Variants in KIAA1328 observed in about 807,000 individuals in gnomAD.
The protein encoded by KIAA1328 is KIAA1328.
Under a neutral mutation model 68.1 loss-of-function variants are expected in KIAA1328, and 52 were observed. That is an observed-to-expected ratio of 0.76 (90% confidence interval 0.61 to 0.96). The LOEUF is 0.96. Ranked by LOEUF, KIAA1328 falls within the 40% of genes least tolerant of loss-of-function variation. KIAA1328 has a pLI of 0.00. For synonymous variants in KIAA1328, 232 were observed against 239.4 expected (o/e 0.97, Z 0.28); for missense variants, 641 against 677.6 (o/e 0.95, Z 0.60).
intron 4 of KIAA1328, among the ~76,000 whole-genome samples, chr18:36,844,576 GT>G: frequency 6.6e-6 from 1 of 152,106 alleles, no homozygotes; most frequent in South Asian, 2.1e-4. Flanking sequence ...ATTGAGGGAA[GT>G]TTTAGAAACT....
intron 7 of KIAA1328, among the ~76,000 whole-genome samples, chr18:37,150,870 T>C (rs1367660954): frequency 6.6e-6 from 1 of 152,162 alleles, no homozygotes; most frequent in African/African-American, 2.4e-5. Flanking sequence ...TCAACAGAGA[T>C]ACATCTCTTT....
chr18:36,875,004 G>T (rs528612714), intron 4 of KIAA1328, among the ~76,000 whole-genome samples: 1 of 152,072 alleles, frequency 6.6e-6, no homozygotes, highest in African/African-American at 2.4e-5. Flanking sequence ...TATTTCTGAG[G>T]CCTGTGTTCT....
At chr18:37,027,878 T>C (rs1010627961) in intron 6 of KIAA1328, among the ~76,000 whole-genome samples, 2 of 152,060 alleles carry the variant, frequency 1.3e-5, no homozygotes, top group African/African-American at 2.4e-5. Flanking sequence ...GGGATCTAAT[T>C]AAACTAAAGA....
In KIAA1328 at chr18:37,223,418, G is replaced by A. The variant is rs1396176378; in HGVS notation, c.*1191G>A. 1 of 985,422 alleles carries A rather than the reference G, an allele frequency of 1.0e-6. No homozygotes were observed. Among genetic ancestry groups the A allele is most frequent in the Non-Finnish European group, 1.2e-6 (1 of 829,948 alleles). 61.0% of individuals were successfully genotyped at this position (985,422 alleles called of 1,614,324 possible). On this transcript the variant is annotated 3_prime_UTR_variant, in exon 10 of 10. Transcript: ENST00000280020. ...CTTGAGATGGGTCCTTCAGCTTGCA[G>A]TGGTCCCTAGTAGCCTCTCAAGCTA...
intron 7 of KIAA1328, among the ~76,000 whole-genome samples, chr18:37,073,786 A>G (rs912447605): frequency 6.6e-6 from 1 of 152,098 alleles, no homozygotes; most frequent in East Asian, 1.9e-4. Flanking sequence ...GAGCGTATTC[A>G]TAAGTGCTTT....
intron 8 of KIAA1328, among the ~76,000 whole-genome samples, chr18:37,161,881 T>G (rs925187810): frequency 6.6e-6 from 1 of 152,214 alleles, no homozygotes; most frequent in Non-Finnish European, 1.5e-5. Flanking sequence ...AAGCAGCAAT[T>G]GAAAAGGCAC....
At chr18:37,090,703 C>G (rs1008867568) in intron 7 of KIAA1328, among the ~76,000 whole-genome samples, 1 of 152,096 alleles carries the variant, frequency 6.6e-6, no homozygotes, top group Non-Finnish European at 1.5e-5. Context: ...ATATGGTCTT[C>G]TCAGAGGCAT....
intron 4 of KIAA1328, among the ~76,000 whole-genome samples, chr18:36,876,061 A>G (rs2048112683): frequency 6.6e-6 from 1 of 151,994 alleles, no homozygotes; most frequent in African/African-American, 2.4e-5. Context: ...TAGTGGATTC[A>G]GTTTGCCAGT....
At chr18:36,854,299 G>T (rs1286012847) in intron 4 of KIAA1328, among the ~76,000 whole-genome samples, 2 of 152,176 alleles carry the variant, frequency 1.3e-5, no homozygotes, top group Non-Finnish European at 2.9e-5. Flanking sequence ...AGTTTCAGTT[G>T]TTCAGGCTAC....
intron 6 of KIAA1328, among the ~76,000 whole-genome samples, chr18:36,965,768 T>G (rs1239986174): frequency 6.6e-6 from 1 of 151,494 alleles, no homozygotes; most frequent in Non-Finnish European, 1.5e-5. Flanking sequence ...AAATTTTATC[T>G]AATTTTATTT....
At chr18:37,169,067 A>G (rs2059444683) in intron 8 of KIAA1328, among the ~76,000 whole-genome samples, 1 of 152,112 alleles carries the variant, frequency 6.6e-6, no homozygotes, top group Admixed American at 6.5e-5. Context: ...GCATTCACAT[A>G]TATTACATGT....
At chr18:37,047,286 C>T (rs2055512725) in intron 6 of KIAA1328, among the ~76,000 whole-genome samples, 1 of 152,156 alleles carries the variant, frequency 6.6e-6, no homozygotes, top group South Asian at 2.1e-4. Context: ...ATGTAAACTT[C>T]GTGTTTTGAT....
At chr18:37,032,878 C>T (rs544134200) in intron 6 of KIAA1328, among the ~76,000 whole-genome samples, 18 of 152,216 alleles carry the variant, frequency 1.2e-4, no homozygotes, top group East Asian at 1.2e-3. Context: ...TGACCTCAGG[C>T]GATCCACCCA....
intron 7 of KIAA1328, among the ~76,000 whole-genome samples, chr18:37,072,138 A>G (rs930388424): frequency 6.6e-6 from 1 of 151,716 alleles, no homozygotes; most frequent in African/African-American, 2.4e-5. Context: ...ATGTTCCAAG[A>G]TTTCCTCTTT....
intron 7 of KIAA1328, among the ~76,000 whole-genome samples, chr18:37,083,073 G>A (rs761978914): frequency 2.6e-5 from 4 of 152,204 alleles, no homozygotes; most frequent in Non-Finnish European, 5.9e-5. Context: ...ACATTATAGA[G>A]TGGTTGTGAG....
chr18:37,112,656 C>G (rs896746522), intron 7 of KIAA1328, among the ~76,000 whole-genome samples: 6 of 152,182 alleles, frequency 3.9e-5, no homozygotes, highest in Non-Finnish European at 8.8e-5. Flanking sequence ...CAGAGAATGA[C>G]TTTGACGAGT....
intron 6 of KIAA1328, among the ~76,000 whole-genome samples, chr18:37,039,081 TAA>T (rs2055142067): frequency 6.6e-6 from 1 of 152,156 alleles, no homozygotes; most frequent in Admixed American, 6.5e-5. Context: ...TCATTGTATA[TAA>T]GTCCTTTTTT....
At chr18:37,194,753 C>T (rs1405628486) in intron 9 of KIAA1328, among the ~76,000 whole-genome samples, 3 of 152,196 alleles carry the variant, frequency 2.0e-5, no homozygotes, top group East Asian at 1.9e-4. Context: ...CTCCACCTCC[C>T]GGGTTCAAGC....
At chr18:37,086,189 A>G (rs323298) in intron 7 of KIAA1328, among the ~76,000 whole-genome samples, 40,722 of 152,116 alleles carry the variant, frequency 0.27, 8,606 homozygotes, top group African/African-American at 0.59. Flanking sequence ...CTATAATAAC[A>G]TGTCATATAG....
Sources: allele counts gnomAD v4.1 joint callset (sites outside exome capture counted in the v4.1 genomes callset), GRCh38; gene constraint gnomAD v4.1.1; transcripts MANE v1.5; gene names NCBI Gene and HGNC (gene_info 2026-07-23, HGNC 2026-07-21).